The following FAT3 variants were observed in gnomAD, a reference collection of about 807,000 sequenced individuals.
The protein encoded by FAT3 is protocadherin Fat 3.
A neutral mutation model predicts 310.2 loss-of-function variants in FAT3; 95 were observed. That is an observed-to-expected ratio of 0.31 (90% CI 0.26 to 0.36). FAT3 has a LOEUF of 0.36. Ranked by LOEUF, FAT3 falls within the 10% of genes least tolerant of loss-of-function variation. The pLI is 1.00. For synonymous variants in FAT3, 2,314 were observed against 2,192.9 expected, an observed-to-expected ratio of 1.06 and a Z score of -1.54; for missense variants, 5,408 against 5,715.6, an observed-to-expected ratio of 0.95 and a Z score of 1.74.
At chr11:92,263,431 A>G (rs1032275787) in intron 1 of FAT3, among the ~76,000 whole-genome samples, 1 of 152,086 alleles carries the variant, frequency 6.6e-6, no homozygotes, top group African/African-American at 2.4e-5. Context: ...TTTCATATCA[A>G]TGCTATGGGA....
intron 3 of FAT3, among the ~76,000 whole-genome samples, chr11:92,555,999 T>C (rs955628429): frequency 3.3e-5 from 5 of 152,190 alleles, no homozygotes; most frequent in African/African-American, 1.2e-4. Flanking sequence ...ATAATAGTAC[T>C]GTTTATTGTG....
intron 2 of FAT3, among the ~76,000 whole-genome samples, chr11:92,372,372 C>T (rs1949211429): frequency 6.6e-6 from 1 of 151,620 alleles, no homozygotes; most frequent in South Asian, 2.1e-4. Flanking sequence ...CTGAGCAGAT[C>T]TCGGTGTTGC....
chr11:92,709,419 C>G lies in FAT3; in HGVS notation c.3669+11974C>G, dbSNP rs746292757. On this transcript the variant is annotated intron_variant, in intron 4 of 27. Coordinates refer to ENST00000525166, the MANE Select transcript of FAT3 (RefSeq NM_001367949.2). ...TCATTGCCCTGGGTAGTTTCAAACT[C>G]CGCCTCTCCTTTAGGCTATTCTTAG... Among the ~76,000 whole-genome samples, 154 of 152,298 alleles carry G rather than the reference C, an allele frequency of 1.0e-3. 1 individual carries two copies. Among genetic ancestry groups the G allele is most frequent in the Non-Finnish European group, 1.9e-3 (126 of 68,012 alleles).
chr11:92,689,718 G>T (rs1204949373), intron 3 of FAT3, among the ~76,000 whole-genome samples: 1 of 152,092 alleles, frequency 6.6e-6, no homozygotes, highest in Non-Finnish European at 1.5e-5. Context: ...CAGCATCTCT[G>T]GTTCTAACTG....
chr11:92,513,114 T>C (rs1387130823), intron 2 of FAT3, among the ~76,000 whole-genome samples: 110 of 31,744 alleles, frequency 3.5e-3, no homozygotes, highest in African/African-American at 4.0e-3. Flanking sequence ...AGAGCTAGAC[T>C]CCGTCTCAAA....
chr11:92,336,557 AT>A (rs1565235699), intron 1 of FAT3: 1 of 166,502 alleles, frequency 6.0e-6, no homozygotes, highest in Non-Finnish European at 1.3e-5. Flanking sequence ...TATAATACAG[AT>A]GATAAAGATT....
chr11:92,761,239 A>T (rs1021488622), intron 4 of FAT3, among the ~76,000 whole-genome samples: 11 of 152,128 alleles, frequency 7.2e-5, no homozygotes, highest in African/African-American at 2.4e-4. Flanking sequence ...TTCCTCCTAG[A>T]TGGTGCCTTC....
At position 92,361,408 on chromosome 11, in the gene FAT3, TATAG is replaced by T. The variant is rs1432837935; in HGVS notation, c.3292+6005_3292+6008del. ...TCATGTTAGAACCTAATAACAAATG[TATAG>T]TGTTAAGAGGTGGGGCTTTTGGGAA... On this transcript the variant is annotated intron_variant, in intron 2 of 27. Transcript: ENST00000525166. 4.1e-4 allele frequency among the ~76,000 whole-genome samples: 62 copies of T among 151,754 alleles called. No individual in the cohort carries two copies. The Middle Eastern group carries it at 0.02, about 50-fold the overall frequency.
At chr11:92,882,258 G>A (rs1448566181) in intron 23 of FAT3, among the ~76,000 whole-genome samples, 1 of 152,134 alleles carries the variant, frequency 6.6e-6, no homozygotes, top group Non-Finnish European at 1.5e-5. Context: ...TTGATTATGG[G>A]ATACTACGGC....
chr11:92,496,431 C>T (rs1200599223), intron 2 of FAT3, among the ~76,000 whole-genome samples: 1 of 151,984 alleles, frequency 6.6e-6, no homozygotes, highest in African/African-American at 2.4e-5. Context: ...TCTTCCATAG[C>T]CCCATCTCTT....
chr11:92,491,758 A>C (rs1309650554), intron 2 of FAT3, among the ~76,000 whole-genome samples: 3 of 152,118 alleles, frequency 2.0e-5, no homozygotes, highest in African/African-American at 7.2e-5. Flanking sequence ...TCTGCTAGAC[A>C]ACCTGTGACC....
chr11:92,273,633 A>C (rs2134342930), intron 1 of FAT3, among the ~76,000 whole-genome samples: 1 of 152,234 alleles, frequency 6.6e-6, no homozygotes, highest in Non-Finnish European at 1.5e-5. Flanking sequence ...ATGGAATGAA[A>C]GTCAGAGGGT....
Position 92,798,080 on chromosome 11 carries a change from A to G in FAT3, c.5067A>G (p.Ser1689=). The change falls in exon 10 of 28, where the codon TCA becomes TCG. Residue 1689 remains serine (S), a synonymous_variant. Coordinates refer to ENST00000525166, the MANE Select transcript of FAT3 (RefSeq NM_001367949.2). ...ATGAAAATGTTGACATTGGAACATCAGTCATTCTAATCTCTGCCATCAGTC... is the reference window on the plus strand; with the variant it reads ...ATGAAAATGTTGACATTGGAACATCGGTCATTCTAATCTCTGCCATCAGTC... ...EVNENVDIGT[S]VILISAISQS... The G allele has an allele frequency of 6.2e-7, 1 of 1,613,946 alleles. No individual in the cohort carries two copies. The highest frequency in any genetic ancestry group is 8.5e-7 in the Non-Finnish European group (1 of 1,179,860).
intron 1 of FAT3, among the ~76,000 whole-genome samples, chr11:92,337,214 A>G (rs1948110869): frequency 6.6e-6 from 1 of 152,182 alleles, no homozygotes; most frequent in Admixed American, 6.5e-5. Context: ...TATTTCTTTA[A>G]TGCCTGGTAC....
chr11:92,744,897 G>C (rs186108823), intron 4 of FAT3, among the ~76,000 whole-genome samples: 1 of 152,268 alleles, frequency 6.6e-6, no homozygotes, highest in African/African-American at 2.4e-5. Flanking sequence ...CATATATTTA[G>C]GTAGGCAAGG....
intron 2 of FAT3, among the ~76,000 whole-genome samples, chr11:92,359,662 A>G (rs1407496539): frequency 1.5e-5 from 2 of 137,346 alleles, no homozygotes; most frequent in Non-Finnish European, 3.1e-5. Flanking sequence ...CCAGAGTGTG[A>G]TATTCCCCTT....
chr11:92,706,236 G>A (rs894050625), intron 4 of FAT3, among the ~76,000 whole-genome samples: 1 of 152,070 alleles, frequency 6.6e-6, no homozygotes, highest in Non-Finnish European at 1.5e-5. Context: ...ATAAATTGCA[G>A]ATGTACCACT....
chr11:92,832,757 A>G (rs561690983), intron 14 of FAT3, among the ~76,000 whole-genome samples: 1 of 152,238 alleles, frequency 6.6e-6, no homozygotes, highest in South Asian at 2.1e-4. Flanking sequence ...GTTCATGGGG[A>G]TGAGCCTCCG....
intron 2 of FAT3, among the ~76,000 whole-genome samples, chr11:92,454,120 C>T (rs1159512481): frequency 1.3e-5 from 2 of 152,132 alleles, no homozygotes; most frequent in African/African-American, 4.8e-5. Context: ...AGATACTTTA[C>T]ATTATTTGCC....
Sources: allele counts gnomAD v4.1 joint callset (sites outside exome capture counted in the v4.1 genomes callset), GRCh38; gene constraint gnomAD v4.1.1; transcripts MANE v1.5; gene names NCBI Gene and HGNC (gene_info 2026-07-23, HGNC 2026-07-21).